The following ERC1 variants were observed in gnomAD, a reference collection of about 807,000 sequenced individuals.
ERC1 encodes RAB6 interacting protein 2.
In ERC1, 56 loss-of-function variants were observed where a neutral mutation model predicts 132.0. The observed-to-expected ratio is 0.42, with a 90% confidence interval of 0.34 to 0.53. The LOEUF is 0.53. ERC1 is among the 20% of genes least tolerant of loss of function. ERC1 has a pLI of 0.03. For missense variants in ERC1, 1,202 were observed against 1,349.9 expected (o/e 0.89, Z 1.72); for synonymous variants, 478 against 476.1 (o/e 1.00, Z -0.05).
chr12:1,311,237 A>G (rs1385617838), intron 15 of ERC1, among the ~76,000 whole-genome samples: 1 of 152,248 alleles, frequency 6.6e-6, no homozygotes, highest in Non-Finnish European at 1.5e-5. Context: ...TAGGCATCCT[A>G]GAATTTCTAA....
chr12:1,213,568 C>G (rs1032153455), intron 12 of ERC1, among the ~76,000 whole-genome samples: 10 of 151,946 alleles, frequency 6.6e-5, no homozygotes, highest in African/African-American at 1.9e-4. Context: ...GAAACCCCAT[C>G]TCTACTAAAA....
chr12:1,011,540 G>A (rs1051713469), intron 1 of ERC1, among the ~76,000 whole-genome samples: 2 of 152,132 alleles, frequency 1.3e-5, no homozygotes, highest in Non-Finnish European at 2.9e-5. Context: ...GTGTTTACCT[G>A]TTTGGAAAAT....
chr12:1,324,319 C>A lies in ERC1; in HGVS notation c.2780+34307C>A, dbSNP rs111856414. Among the ~76,000 whole-genome samples the A allele has an allele frequency of 7.6e-4, 116 of 152,252 alleles. 2 individuals are homozygous for A. The highest frequency in any genetic ancestry group is 2.6e-3 in the African/African-American group (109 of 41,552). On this transcript the variant is annotated intron_variant, in intron 15 of 18. Transcript: ENST00000360905. ...TGAACTCCAAAGTCTACCCTAGGAG[C>A]AACTGGGAGGGAAAAGAACCCAGAC...
chr12:1,104,288 G>T (rs922041617), intron 3 of ERC1, among the ~76,000 whole-genome samples: 3 of 152,144 alleles, frequency 2.0e-5, no homozygotes, highest in East Asian at 1.9e-4. Context: ...GGTGGATGCC[G>T]TGGAAAGGAT....
At chr12:1,265,912 A>G (rs2077449531) in intron 14 of ERC1, among the ~76,000 whole-genome samples, 1 of 152,150 alleles carries the variant, frequency 6.6e-6, no homozygotes, top group South Asian at 2.1e-4. Flanking sequence ...ATGATATTCC[A>G]TTGTATGGAT....
chr12:1,200,959 TTTTTATATTTC>T (rs1956858240), intron 12 of ERC1, among the ~76,000 whole-genome samples: 1 of 152,196 alleles, frequency 6.6e-6, no homozygotes, highest in African/African-American at 2.4e-5. Context: ...ATTGAAAATA[TTTTTATATTTC>T]TTTTATATGT....
chr12:1,342,649 A>G (rs775625199), intron 15 of ERC1, among the ~76,000 whole-genome samples: 6 of 152,154 alleles, frequency 3.9e-5, no homozygotes, highest in Non-Finnish European at 7.3e-5. Context: ...TTAAAGGATA[A>G]ATCAGAGAAG....
intron 1 of ERC1, among the ~76,000 whole-genome samples, chr12:1,018,166 A>G (rs1965810537): frequency 6.6e-6 from 1 of 152,166 alleles, no homozygotes; most frequent in Non-Finnish European, 1.5e-5. Flanking sequence ...AAATTGCAAG[A>G]CATGTACAGA....
intron 18 of ERC1, among the ~76,000 whole-genome samples, chr12:1,467,763 A>G (rs1056379200): frequency 3.9e-5 from 6 of 152,262 alleles, no homozygotes; most frequent in African/African-American, 1.4e-4. Context: ...TTTTCCTGCA[A>G]CTAGACTGTC....
rs187675418 is a variant in ERC1 at position 1,012,921 on chromosome 12, G to T, written c.-156-14827G>T. Among the ~76,000 whole-genome samples the T allele has an allele frequency of 3.9e-5, 6 of 152,186 alleles. No individual in the cohort carries two copies. In the East Asian group the frequency reaches 1.2e-3, roughly 29 times the overall value. On this transcript the variant is annotated intron_variant, in intron 1 of 18. Transcript: ENST00000360905. ...CTAATTTCTTCATTAAACACTTTGG[G>T]ATTACTGACCCAGTCCAGGTCTGGT... is the stretch of plus-strand genomic sequence containing the variant.
At position 1,494,784 on chromosome 12, in the gene ERC1, A is replaced by T. The variant is rs2094345971; in HGVS notation, c.*4554A>T. The stretch of plus-strand genomic sequence containing the variant: ...TGTCTGTTGTTGAGATTATTAAAAG[A>T]TTAAAACGTAGTTGTAGAAATGAAA... On this transcript the variant is annotated 3_prime_UTR_variant, in exon 19 of 19. Coordinates refer to ENST00000360905, the MANE Select transcript of ERC1 (RefSeq NM_178040.4). The T allele has an allele frequency of 4.3e-6, 1 of 230,520 alleles. No homozygotes were observed. Among genetic ancestry groups the T allele is most frequent in the Admixed American group, 5.7e-5 (1 of 17,660 alleles). The allele number at this position is 230,520 out of a possible 1,614,324, so 14.3% of individuals were successfully genotyped here.
intron 16 of ERC1, among the ~76,000 whole-genome samples, chr12:1,393,658 T>G (rs73026439): frequency 0.3 from 44,131 of 148,564 alleles, 6,785 homozygotes; most frequent in Middle Eastern, 0.36. Context: ...GTAAAGTGCT[T>G]GGATTCTTGA....
intron 12 of ERC1, among the ~76,000 whole-genome samples, chr12:1,213,504 A>C (rs1349270247): frequency 6.6e-6 from 1 of 152,102 alleles, no homozygotes; most frequent in East Asian, 1.9e-4. Context: ...TGGGAGGTCG[A>C]GGTGGGCGGA....
At chr12:1,431,122 G>A (rs1460451778) in intron 17 of ERC1, among the ~76,000 whole-genome samples, 4 of 152,112 alleles carry the variant, frequency 2.6e-5, no homozygotes, top group African/African-American at 4.8e-5. Flanking sequence ...TAACCGCTCC[G>A]GGGAGAACCA....
At chr12:1,247,551 CT>C (rs1301698679) in intron 13 of ERC1, among the ~76,000 whole-genome samples, 1 of 152,202 alleles carries the variant, frequency 6.6e-6, no homozygotes, top group Non-Finnish European at 1.5e-5. Flanking sequence ...TTTGCCATCT[CT>C]TTGAAATAAG....
rs143397888 is a variant in ERC1, at chr12:1,492,750, G to A, written c.*2520G>A. On this transcript the variant is annotated 3_prime_UTR_variant, in exon 19 of 19. Coordinates refer to ENST00000360905, the MANE Select transcript of ERC1 (RefSeq NM_178040.4). ...GCTGGCTAGGAGTTCAGTAATAAAC[G>A]TGGCCTTCGTGCTGTAGGGCAGAGT... The A allele has an allele frequency of 2.2e-3, 504 of 232,286 alleles. 7 individuals are homozygous for A. The highest frequency in any genetic ancestry group is 8.4e-3 in the African/African-American group (382 of 45,392). The allele number at this position is 232,286 out of a possible 1,614,324, so 14.4% of individuals were successfully genotyped here.
At chr12:1,410,312 G>A (rs1354695471) in intron 17 of ERC1, 2 of 573,000 alleles carry the variant, frequency 3.5e-6, no homozygotes, top group African/African-American at 3.9e-5. Flanking sequence ...TTATGTCTTT[G>A]TTTTAAATAC....
chr12:1,065,324 C>T (rs1156447048), intron 2 of ERC1, among the ~76,000 whole-genome samples: 3 of 152,116 alleles, frequency 2.0e-5, no homozygotes, highest in East Asian at 3.9e-4. Flanking sequence ...TGCAAAAGAC[C>T]TGTCTTCAAG....
At chr12:1,209,795 C>T (rs556970988) in intron 12 of ERC1, among the ~76,000 whole-genome samples, 28 of 152,222 alleles carry the variant, frequency 1.8e-4, no homozygotes, top group African/African-American at 5.1e-4. Context: ...AGTGAGTTAA[C>T]GTTTTTCAAA....
Sources: gnomAD v4.1 joint callset for allele counts (sites outside exome capture counted in the v4.1 genomes callset) on GRCh38, gnomAD v4.1.1 for gene constraint, MANE v1.5 for transcripts, NCBI Gene and HGNC (gene_info 2026-07-23, HGNC 2026-07-21) for gene names.